ADAMTS16: variants seen among roughly 807,000 people sequenced by gnomAD.
The protein encoded by ADAMTS16 is A disintegrin and metalloproteinase with thrombospondin motifs 16.
A neutral mutation model predicts 145.8 loss-of-function variants in ADAMTS16; 94 were observed. That is an observed-to-expected ratio of 0.64 (90% CI 0.55 to 0.77). The LOEUF (loss-of-function observed/expected upper bound fraction) is 0.77. Ranked by LOEUF, ADAMTS16 falls within the 30% of genes least tolerant of loss-of-function variation. The probability of loss-of-function intolerance (pLI) is 0.00; values close to 1 mark genes in which losing one functional copy is unlikely to be tolerated. For missense variants in ADAMTS16, 1,585 were observed against 1,591.5 expected, an observed-to-expected ratio of 1.00 and a Z score of 0.07; for synonymous variants, 659 against 604.3, an observed-to-expected ratio of 1.09 and a Z score of -1.33.
In ADAMTS16 at chr5:5,291,687, A is replaced by C. The variant is rs1317686400; in HGVS notation, c.2790-11581A>C. Among the ~76,000 whole-genome samples, 11 of 118,300 alleles carry C rather than the reference A, an allele frequency of 9.3e-5. No individual in the cohort carries two copies. In the Admixed American group the frequency reaches 1.3e-3, roughly 13 times the overall value. The allele number at this position is 118,300 out of a possible 152,430, so 77.6% of individuals were successfully genotyped here. ...CCCCACACCACAAGGCCTTAGACACAGAAAGGCTGTCCTCGGGCAGTCAGC... is the reference window on the plus strand; with the variant it reads ...CCCCACACCACAAGGCCTTAGACACCGAAAGGCTGTCCTCGGGCAGTCAGC... On this transcript the variant is annotated intron_variant, in intron 18 of 22. Transcript: ENST00000274181.
At chr5:5,197,970 TC>T (rs1162311390) in intron 8 of ADAMTS16, among the ~76,000 whole-genome samples, 1 of 152,164 alleles carries the variant, frequency 6.6e-6, no homozygotes, top group Non-Finnish European at 1.5e-5. Flanking sequence ...TACATTGTGC[TC>T]TGTATCTCTC....
At chr5:5,283,897 G>A (rs1339544710) in intron 18 of ADAMTS16, among the ~76,000 whole-genome samples, 1 of 152,084 alleles carries the variant, frequency 6.6e-6, no homozygotes, top group Non-Finnish European at 1.5e-5. Context: ...TTCTTTACTG[G>A]TCTGGTGGCT....
In ADAMTS16 at chr5:5,220,846, A is replaced by G. The variant is rs141877791; in HGVS notation, c.1606-1943A>G. ...ACCTGGGAATCCCAAACTCTACTGG[A>G]CCATTGTGGCCATCTCCCAGATCAC... On this transcript the variant is annotated intron_variant, in intron 10 of 22. Transcript: ENST00000274181. Among the ~76,000 whole-genome samples, 1,289 of 152,108 alleles carry G rather than the reference A, an allele frequency of 8.5e-3. 21 individuals carry two copies. Among genetic ancestry groups the G allele is most frequent in the African/African-American group, 0.029 (1,190 of 41,504 alleles).
rs184529011 is a variant in ADAMTS16, at chr5:5,174,512, G to A, written c.502-7532G>A. 2.4e-3 allele frequency among the ~76,000 whole-genome samples: 369 copies of A among 152,120 alleles called. 1 individual carries two copies. The highest frequency in any genetic ancestry group is 8.7e-3 in the African/African-American group (363 of 41,504). On this transcript the variant is annotated intron_variant, in intron 3 of 22. Transcript: ENST00000274181. ...ATATTTTTCTTTAGGTTTGGGAAGT[G>A]CTCTGTTTTATTCCTTAAATAAACT... is the stretch of plus-strand genomic sequence containing the variant.
intron 12 of ADAMTS16, among the ~76,000 whole-genome samples, chr5:5,233,299 C>A (rs1464954863): frequency 1.3e-5 from 2 of 152,156 alleles, no homozygotes; most frequent in Admixed American, 6.5e-5. Context: ...GAAGCATCAC[C>A]AGTGTGCGGA....
intron 17 of ADAMTS16, among the ~76,000 whole-genome samples, chr5:5,247,461 T>C (rs1181927473): frequency 6.6e-6 from 1 of 152,140 alleles, no homozygotes; most frequent in African/African-American, 2.4e-5. Context: ...GGCTGTGTGA[T>C]GTCACCCAGG....
chr5:5,219,054 G>C (rs1005973338), intron 10 of ADAMTS16, among the ~76,000 whole-genome samples: 4 of 152,088 alleles, frequency 2.6e-5, no homozygotes, highest in Admixed American at 2.6e-4. Context: ...GAAAACAGGA[G>C]TGTCTGTTCT....
intron 12 of ADAMTS16, 74 bp downstream of exon 12, chr5:5,232,590 T>C (rs2195290): frequency 0.32 from 459,024 of 1,428,132 alleles, 75,958 homozygotes; most frequent in Middle Eastern, 0.36. Flanking sequence ...AGTATGCCTG[T>C]GTCTCAGCTC....
At chr5:5,220,691 T>G (rs528849420) in intron 10 of ADAMTS16, among the ~76,000 whole-genome samples, 2 of 152,182 alleles carry the variant, frequency 1.3e-5, no homozygotes, top group East Asian at 3.9e-4. Flanking sequence ...ACACATTACC[T>G]ATAACCACTG....
At chr5:5,201,414 A>C (rs991766462) in intron 9 of ADAMTS16, among the ~76,000 whole-genome samples, 4 of 152,206 alleles carry the variant, frequency 2.6e-5, no homozygotes, top group African/African-American at 9.6e-5. Context: ...AGGGAAGGGC[A>C]CAAATGTATA....
At position 5,239,850 on chromosome 5, in the gene ADAMTS16, C is replaced by T; in HGVS notation, c.2448C>T (p.Phe816=). Residue 816 remains phenylalanine (F), a synonymous_variant, in exon 16 of 23, where the codon TTC becomes TTT. Coordinates refer to ENST00000274181, the MANE Select transcript of ADAMTS16 (RefSeq NM_139056.4). The part of the protein sequence containing the change: ...PGRYKFSGTT[F]DYRRSYNEPE... The stretch of plus-strand genomic sequence containing the variant: ...GGTACAAATTTTCGGGCACTACTTT[C>T]GACTACAGACGGTCCTATAATGAGC... 1.9e-6 allele frequency: 3 copies of T among 1,614,044 alleles called. No individual in the cohort carries two copies. The highest frequency in any genetic ancestry group is 1.1e-5 in the South Asian group (1 of 91,050).
chr5:5,176,845 T>C (rs4702233), intron 3 of ADAMTS16, among the ~76,000 whole-genome samples: 142,779 of 152,254 alleles, frequency 0.94, 67,019 homozygotes, highest in Non-Finnish European at 0.95. Flanking sequence ...ATGGGAGGCA[T>C]GTTGGCCATC....
chr5:5,221,458 A>G (rs1736603984), intron 10 of ADAMTS16, among the ~76,000 whole-genome samples: 1 of 152,068 alleles, frequency 6.6e-6, no homozygotes, highest in African/African-American at 2.4e-5. Flanking sequence ...AACACAACAC[A>G]CTTATCACAA....
chr5:5,285,860 G>T (rs1739083371), intron 18 of ADAMTS16, among the ~76,000 whole-genome samples: 1 of 152,128 alleles, frequency 6.6e-6, no homozygotes, highest in South Asian at 2.1e-4. Flanking sequence ...CATTTCAGAT[G>T]CCTTCACTTC....
intron 14 of ADAMTS16, among the ~76,000 whole-genome samples, 196 bp from the exon 15 acceptor site, chr5:5,238,955 C>A (rs906768955): frequency 6.6e-6 from 1 of 152,214 alleles, no homozygotes; most frequent in South Asian, 2.1e-4. Flanking sequence ...GGTTTAAAAG[C>A]TTCCTACATT....
intron 14 of ADAMTS16, among the ~76,000 whole-genome samples, chr5:5,237,603 A>C (rs1737147516): frequency 6.6e-6 from 1 of 152,138 alleles, no homozygotes. Context: ...GTGTCCATGT[A>C]GATAGAGCAG....
intron 10 of ADAMTS16, among the ~76,000 whole-genome samples, chr5:5,214,801 T>A (rs1056714389): frequency 1.1e-4 from 17 of 152,354 alleles, no homozygotes; most frequent in African/African-American, 3.6e-4. Context: ...TAGAGATTTT[T>A]AAAAATTTTC....
intron 18 of ADAMTS16, among the ~76,000 whole-genome samples, chr5:5,264,112 C>T (rs1001139620): frequency 3.3e-5 from 5 of 152,060 alleles, no homozygotes; most frequent in African/African-American, 1.2e-4. Flanking sequence ...GCCGGCCAGG[C>T]CATATGTACT....
chr5:5,141,575 T>C (rs1734170596), intron 2 of ADAMTS16, among the ~76,000 whole-genome samples: 1 of 152,246 alleles, frequency 6.6e-6, no homozygotes, highest in Non-Finnish European at 1.5e-5. Context: ...TTTTGCATTG[T>C]TACCAACAAT....
Sources: gnomAD v4.1 joint callset for allele counts (sites outside exome capture counted in the v4.1 genomes callset) on GRCh38, gnomAD v4.1.1 for gene constraint, MANE v1.5 for transcripts, NCBI Gene and HGNC (gene_info 2026-07-23, HGNC 2026-07-21) for gene names.